Variants in SPAG16 observed in about 807,000 individuals in gnomAD.
The protein encoded by SPAG16 is sperm-associated antigen 16 protein.
A neutral mutation model predicts 80.4 loss-of-function variants in SPAG16; 86 were observed. That is an observed-to-expected ratio of 1.07 (90% confidence interval 0.90 to 1.28). The LOEUF (loss-of-function observed/expected upper bound fraction) is 1.28. Ranked by LOEUF, SPAG16 falls within the 50% of genes most tolerant of loss-of-function variation. The probability of loss-of-function intolerance (pLI) is 0.00; values close to 1 mark genes in which losing one functional copy is unlikely to be tolerated. For missense variants in SPAG16, 870 were observed against 765.3 expected (o/e 1.14, Z -1.61); for synonymous variants, 294 against 265.9 (o/e 1.11, Z -1.03).
At chr2:214,229,714 C>CA (rs1344275514) in intron 15 of SPAG16, among the ~76,000 whole-genome samples, 25 of 150,544 alleles carry the variant, frequency 1.7e-4, no homozygotes, top group Admixed American at 7.3e-4. Flanking sequence ...GAATCAGATA[C>CA]AAAAAAAAGG....
chr2:213,976,406 C>T (rs1446148886), intron 12 of SPAG16, among the ~76,000 whole-genome samples: 1 of 151,596 alleles, frequency 6.6e-6, no homozygotes, highest in Non-Finnish European at 1.5e-5. Flanking sequence ...CAAAACCAGT[C>T]CTTAACTAAC....
At chr2:213,734,188 A>G (rs563800514) in intron 10 of SPAG16, among the ~76,000 whole-genome samples, 2 of 152,160 alleles carry the variant, frequency 1.3e-5, no homozygotes, top group East Asian at 3.9e-4. Context: ...TGATGGGAGG[A>G]AAGAATTGCA....
intron 10 of SPAG16, among the ~76,000 whole-genome samples, chr2:213,850,240 T>C (rs1304019099): frequency 1.3e-5 from 2 of 152,222 alleles, no homozygotes; most frequent in Non-Finnish European, 2.9e-5. Context: ...AATGACATTG[T>C]GTGGATTGTC....
rs749957411 is a variant in SPAG16 at position 213,976,135 on chromosome 2, T to TATATACACACACACAC, written c.1401-37815_1401-37814insTATACACACACACACA. ...ATATATATATATATATATATATATA[T>TATATACACACACACAC]ACACACACACACACACACACGTATG... is the stretch of plus-strand genomic sequence containing the variant. On this transcript the variant is annotated intron_variant, in intron 12 of 15. Transcript: ENST00000331683. Among the ~76,000 whole-genome samples the TATATACACACACACAC allele has an allele frequency of 4.2e-3, 345 of 81,348 alleles. 3 individuals carry two copies. The highest frequency in any genetic ancestry group is 0.012 in the African/African-American group (323 of 26,382). The allele number at this position is 81,348 out of a possible 152,430, so 53.4% of individuals were successfully genotyped here. A position where few individuals can be genotyped will look rare whatever the true frequency, so the allele number is the denominator to read the frequency against.
chr2:214,272,311 T>C (rs1350644573), intron 15 of SPAG16, among the ~76,000 whole-genome samples: 2 of 152,154 alleles, frequency 1.3e-5, no homozygotes, highest in Non-Finnish European at 2.9e-5. Context: ...TTTTTTTTAT[T>C]ATACTTTAAG....
intron 15 of SPAG16, among the ~76,000 whole-genome samples, chr2:214,372,414 A>T (rs1394475485): frequency 6.6e-6 from 1 of 152,228 alleles, no homozygotes; most frequent in Non-Finnish European, 1.5e-5. Flanking sequence ...CCTAAAACAA[A>T]AAAATCAAAC....
chr2:213,703,141 G>C (rs147171428), intron 10 of SPAG16, among the ~76,000 whole-genome samples: 1 of 152,288 alleles, frequency 6.6e-6, no homozygotes, highest in African/African-American at 2.4e-5. Flanking sequence ...GGTTCCAAAA[G>C]ATGACATGAC....
At chr2:214,115,440 T>G (rs986997429) in intron 14 of SPAG16, among the ~76,000 whole-genome samples, 4 of 152,240 alleles carry the variant, frequency 2.6e-5, no homozygotes, top group Non-Finnish European at 5.9e-5. Context: ...AAAGTTGCAT[T>G]TAGCTATTTA....
intron 13 of SPAG16, among the ~76,000 whole-genome samples, chr2:214,087,496 A>G (rs546834549): frequency 1.3e-5 from 2 of 152,292 alleles, no homozygotes; most frequent in South Asian, 4.1e-4. Flanking sequence ...AGGTATATAG[A>G]TAAGAATATA....
chr2:213,796,473 ATTTCTTTTTATGAC>A (rs1227765135), intron 10 of SPAG16, among the ~76,000 whole-genome samples: 1 of 152,118 alleles, frequency 6.6e-6, no homozygotes, highest in African/African-American at 2.4e-5. Context: ...TCAGTACTTC[ATTTCTTTTTATGAC>A]TGAATAATAT....
chr2:214,032,854 T>C (rs2048485563), intron 13 of SPAG16, among the ~76,000 whole-genome samples: 1 of 152,222 alleles, frequency 6.6e-6, no homozygotes, highest in Non-Finnish European at 1.5e-5. Flanking sequence ...GTGGTCCTTT[T>C]CTTTCCCTCT....
At chr2:213,937,513 T>C (rs2079037582) in intron 12 of SPAG16, among the ~76,000 whole-genome samples, 1 of 152,110 alleles carries the variant, frequency 6.6e-6, no homozygotes, top group Non-Finnish European at 1.5e-5. Context: ...TATATCTTCT[T>C]GGATTTTCAA....
intron 12 of SPAG16, among the ~76,000 whole-genome samples, chr2:213,980,702 G>GTATATATAGAATATA (rs1559654090): frequency 1.6e-4 from 13 of 78,916 alleles, no homozygotes; most frequent in African/African-American, 9.9e-4. Context: ...ATATATGTGT[G>GTATATATAGAATATA]TGTGTGTGTG....
At chr2:214,367,262 C>T (rs936542308) in intron 15 of SPAG16, among the ~76,000 whole-genome samples, 1 of 152,114 alleles carries the variant, frequency 6.6e-6, no homozygotes, top group East Asian at 1.9e-4. Context: ...AGTTTGGAAC[C>T]TACTATAACA....
intron 10 of SPAG16, among the ~76,000 whole-genome samples, chr2:213,702,191 G>T (rs1387727249): frequency 6.6e-6 from 1 of 152,108 alleles, no homozygotes; most frequent in Admixed American, 6.5e-5. Context: ...TGTCTGTAAA[G>T]TGGACCAATC....
At chr2:214,244,068 A>G (rs923232169) in intron 15 of SPAG16, among the ~76,000 whole-genome samples, 31 of 152,120 alleles carry the variant, frequency 2.0e-4, no homozygotes, top group African/African-American at 6.5e-4. Flanking sequence ...CGAATAACAA[A>G]AACTCCTACT....
intron 13 of SPAG16, among the ~76,000 whole-genome samples, chr2:214,104,112 G>A (rs2053241993): frequency 6.6e-6 from 1 of 152,092 alleles, no homozygotes; most frequent in African/African-American, 2.4e-5. Flanking sequence ...TCTCCCCAGG[G>A]GTCTCTATCT....
At chr2:213,410,263 A>C (rs533589562) in intron 9 of SPAG16, among the ~76,000 whole-genome samples, 1 of 152,346 alleles carries the variant, frequency 6.6e-6, no homozygotes, top group African/African-American at 2.4e-5. Flanking sequence ...AGTTATTAAC[A>C]TAAGCAAGTC....
At chr2:213,563,660 C>T (rs1388744148) in intron 10 of SPAG16, among the ~76,000 whole-genome samples, 17 of 152,192 alleles carry the variant, frequency 1.1e-4, no homozygotes, top group Admixed American at 1.1e-3. Context: ...GCCCTATCTC[C>T]AGAAACAGTC....
Sources: allele counts gnomAD v4.1 joint callset (sites outside exome capture counted in the v4.1 genomes callset), GRCh38; gene constraint gnomAD v4.1.1; transcripts MANE v1.5; gene names NCBI Gene and HGNC (gene_info 2026-07-23, HGNC 2026-07-21).